Variants in CADM2 observed in about 807,000 individuals in gnomAD.
CADM2 encodes cell adhesion molecule 2, also known as immunoglobulin superfamily member 4D.
A neutral mutation model predicts 49.8 loss-of-function variants in CADM2; 12 were observed. The observed-to-expected ratio is 0.24, with a 90% CI of 0.15 to 0.39. The LOEUF (loss-of-function observed/expected upper bound fraction) is 0.39. Ranked by LOEUF, CADM2 falls within the 10% of genes least tolerant of loss-of-function variation. The probability of loss-of-function intolerance (pLI) is 1.00; values close to 1 mark genes in which losing one functional copy is unlikely to be tolerated. For synonymous variants in CADM2, 214 were observed against 175.4 expected (o/e 1.22, Z -1.74); for missense variants, 378 against 492.3 (o/e 0.77, Z 2.20).
At chr3:85,287,682 G>T (rs967230563) in intron 1 of CADM2, among the ~76,000 whole-genome samples, 1 of 152,084 alleles carries the variant, frequency 6.6e-6, no homozygotes, top group African/African-American at 2.4e-5. Context: ...AGGAAATTGA[G>T]AACAAAATAT....
chr3:85,684,827 G>A (rs1272312290), intron 1 of CADM2, among the ~76,000 whole-genome samples: 1 of 152,078 alleles, frequency 6.6e-6, no homozygotes. Flanking sequence ...ACGGGGTCCC[G>A]CCCACAACAT....
chr3:85,220,484 G>A (rs1166251356), intron 1 of CADM2, among the ~76,000 whole-genome samples: 1 of 152,092 alleles, frequency 6.6e-6, no homozygotes, highest in African/African-American at 2.4e-5. Flanking sequence ...GTAATGTCAA[G>A]CATACAAGTC....
At chr3:84,987,969 G>A (rs2032673861) in intron 1 of CADM2, among the ~76,000 whole-genome samples, 1 of 152,164 alleles carries the variant, frequency 6.6e-6, no homozygotes, top group South Asian at 2.1e-4. Flanking sequence ...CGTATAGGGG[G>A]TGGAAGGATG....
intron 1 of CADM2, among the ~76,000 whole-genome samples, chr3:85,321,103 TATATATATATATA>T (rs1190536988): frequency 1.4e-4 from 5 of 35,394 alleles, no homozygotes; most frequent in African/African-American, 4.8e-4. Flanking sequence ...TATATATATA[TATATATATATATA>T]TTTTTTTTTT....
At chr3:85,610,759 G>C (rs1017480208) in intron 1 of CADM2, among the ~76,000 whole-genome samples, 1 of 151,766 alleles carries the variant, frequency 6.6e-6, no homozygotes, top group Admixed American at 6.6e-5. Flanking sequence ...TTCAAACTTA[G>C]GATTGTTAAG....
intron 1 of CADM2, among the ~76,000 whole-genome samples, chr3:85,088,312 G>A (rs1433525476): frequency 6.6e-6 from 1 of 152,062 alleles, no homozygotes; most frequent in Non-Finnish European, 1.5e-5. Context: ...ACCTTTTATA[G>A]TACAATCCTT....
chr3:85,656,134 G>A (rs1393362114), intron 1 of CADM2, among the ~76,000 whole-genome samples: 1 of 152,024 alleles, frequency 6.6e-6, no homozygotes, highest in Non-Finnish European at 1.5e-5. Flanking sequence ...TCTGTTATTA[G>A]AAAAAGCTAT....
intron 3 of CADM2, among the ~76,000 whole-genome samples, chr3:85,849,926 G>T (rs2075030190): frequency 6.6e-6 from 1 of 152,064 alleles, no homozygotes; most frequent in African/African-American, 2.4e-5. Flanking sequence ...GTTAAAGTTT[G>T]GGACACACTA....
At chr3:85,100,178 A>G (rs886240252) in intron 1 of CADM2, among the ~76,000 whole-genome samples, 9 of 152,198 alleles carry the variant, frequency 5.9e-5, no homozygotes, top group East Asian at 1.9e-4. Flanking sequence ...GTATTTCTTT[A>G]TACTTCAGTA....
intron 8 of CADM2, among the ~76,000 whole-genome samples, chr3:86,057,918 C>A (rs1418874205): frequency 6.6e-6 from 1 of 152,196 alleles, no homozygotes; most frequent in African/African-American, 2.4e-5. Flanking sequence ...TAGGAGTCAT[C>A]TTAGCCATAC....
At chr3:85,768,256 G>A (rs577862267) in intron 2 of CADM2, among the ~76,000 whole-genome samples, 1 of 151,950 alleles carries the variant, frequency 6.6e-6, no homozygotes, top group East Asian at 1.9e-4. Flanking sequence ...TTACCAGCCT[G>A]GGCAACACAG....
intron 1 of CADM2, among the ~76,000 whole-genome samples, chr3:85,353,692 A>G (rs1429205754): frequency 6.6e-6 from 1 of 151,908 alleles, no homozygotes; most frequent in African/African-American, 2.4e-5. Flanking sequence ...TTGCATGTCA[A>G]TAATAAAAGT....
Position 84,959,796 on chromosome 3 carries a change from C to G in CADM2, c.61+128C>G, listed in dbSNP as rs2030276837. On this transcript the variant is annotated intron_variant, in intron 1 of 9. Coordinates refer to ENST00000383699, the MANE Select transcript of CADM2 (RefSeq NM_001167675.2). ...CAGCGATTTCCACCCCCTCCCCCTA[C>G]TCTCTGGTGCGGCAGGGGGCAGTGG... The G allele has an allele frequency of 5.9e-6, 5 of 852,592 alleles. No individual in the cohort carries two copies. The Admixed American group carries it at 8.5e-5, about 14-fold the overall frequency. 52.8% of individuals were successfully genotyped at this position (852,592 alleles called of 1,614,324 possible). A position where few individuals can be genotyped will look rare whatever the true frequency, so the allele number is the denominator to read the frequency against.
chr3:85,050,165 C>T (rs1277327646), intron 1 of CADM2, among the ~76,000 whole-genome samples: 1 of 151,888 alleles, frequency 6.6e-6, no homozygotes, highest in Non-Finnish European at 1.5e-5. Context: ...TGCTCACTGA[C>T]CAGGAAGCCA....
chr3:85,404,739 C>T (rs2035291122), intron 1 of CADM2, among the ~76,000 whole-genome samples: 1 of 151,890 alleles, frequency 6.6e-6, no homozygotes, highest in South Asian at 2.1e-4. Context: ...TTCATATTAT[C>T]CTGAGGTTTT....
intron 1 of CADM2, among the ~76,000 whole-genome samples, chr3:85,139,013 T>TG: frequency 6.6e-6 from 1 of 152,300 alleles, no homozygotes; most frequent in East Asian, 1.9e-4. Context: ...GTTCAGCTCA[T>TG]TGCAAGGAAA....
At chr3:85,726,499 G>A in intron 1 of CADM2, 23 bp from the exon 2 acceptor site, 1 of 1,611,692 alleles carries the variant, frequency 6.2e-7, no homozygotes, top group South Asian at 1.1e-5. Context: ...TTCTCTTCTT[G>A]TGCAACCTTT....
rs1029113638 is a variant in CADM2 at position 85,258,029 on chromosome 3, T to G, written c.61+298361T>G. ...CACAGGTGCAGTTATCACAAATGTA[T>G]GTGGAAATGTACAAGTGCAAAAAAG... On this transcript the variant is annotated intron_variant, in intron 1 of 9. Transcript: ENST00000383699. 2.0e-5 allele frequency among the ~76,000 whole-genome samples: 3 copies of G among 152,100 alleles called. No homozygotes were observed. In the South Asian group the frequency reaches 6.2e-4, roughly 31 times the overall value.
intron 8 of CADM2, among the ~76,000 whole-genome samples, chr3:86,044,008 A>G (rs1274931875): frequency 6.6e-6 from 1 of 152,186 alleles, no homozygotes; most frequent in African/African-American, 2.4e-5. Flanking sequence ...GGCTAGCCAT[A>G]TGTAGAAAGC....
Sources: allele counts gnomAD v4.1 joint callset (sites outside exome capture counted in the v4.1 genomes callset), GRCh38; gene constraint gnomAD v4.1.1; transcripts MANE v1.5; gene names NCBI Gene and HGNC (gene_info 2026-07-23, HGNC 2026-07-21).